Variants in RIT2 observed in about 807,000 individuals in gnomAD.
RIT2 encodes GTP-binding protein Rit2.
In RIT2, 24 loss-of-function variants were observed where a neutral mutation model predicts 23.7. The observed-to-expected ratio is 1.01, with a 90% CI of 0.73 to 1.43. RIT2 has a LOEUF of 1.43. RIT2 is among the 40% of genes most tolerant of loss of function. The probability of loss-of-function intolerance (pLI) is 0.00; values close to 1 mark genes in which losing one functional copy is unlikely to be tolerated. For synonymous variants in RIT2, 107 were observed against 91.1 expected, an observed-to-expected ratio of 1.17 and a Z score of -0.99; for missense variants, 236 against 266.9, an observed-to-expected ratio of 0.88 and a Z score of 0.81.
chr18:42,943,114 G>A (rs1909643677), intron 3 of RIT2, among the ~76,000 whole-genome samples: 1 of 152,050 alleles, frequency 6.6e-6, no homozygotes, highest in Non-Finnish European at 1.5e-5. Context: ...ACCCGAACAG[G>A]TTGCCACTGC....
chr18:42,877,216 A>G (rs1255392330), intron 4 of RIT2, among the ~76,000 whole-genome samples: 5 of 151,916 alleles, frequency 3.3e-5, no homozygotes, highest in Non-Finnish European at 5.9e-5. Flanking sequence ...TAGGGTATAT[A>G]TTATAGAAAT....
chr18:43,025,067 G>A lies in RIT2; in HGVS notation c.160+8744C>T, dbSNP rs571341883. Among the ~76,000 whole-genome samples, 84 of 151,932 alleles carry A rather than the reference G, an allele frequency of 5.5e-4. No individual in the cohort carries two copies. The South Asian group carries it at 0.017, about 30-fold the overall frequency. ...CACTAAAAATACAAAAATTAGTAGG[G>A]CATTGTGGCACGTGCCTGTAATCAC... On this transcript the variant is annotated intron_variant, in intron 2 of 4. Transcript: ENST00000326695.
At chr18:42,806,129 ATT>A (rs1905677903) in intron 4 of RIT2, among the ~76,000 whole-genome samples, 3 of 125,646 alleles carry the variant, frequency 2.4e-5, no homozygotes, top group South Asian at 2.6e-4. Context: ...ATATATATAT[ATT>A]TTACAAATCC....
At chr18:42,826,755 G>T (rs553069130) in intron 4 of RIT2, among the ~76,000 whole-genome samples, 1 of 152,160 alleles carries the variant, frequency 6.6e-6, no homozygotes, top group African/African-American at 2.4e-5. Context: ...AGAATTAGGT[G>T]AGTTCAGCAA....
chr18:43,092,499 C>A (rs1913446630), intron 1 of RIT2, among the ~76,000 whole-genome samples: 2 of 151,990 alleles, frequency 1.3e-5, no homozygotes, highest in African/African-American at 4.8e-5. Flanking sequence ...TAGATTCTCA[C>A]TGAATATGGG....
intron 4 of RIT2, among the ~76,000 whole-genome samples, chr18:42,848,297 A>AC (rs1906962561): frequency 6.6e-6 from 1 of 152,176 alleles, no homozygotes; most frequent in African/African-American, 2.4e-5. Flanking sequence ...ACAAAACACA[A>AC]CCTATTACAA....
intron 4 of RIT2, among the ~76,000 whole-genome samples, chr18:42,906,739 A>T (rs1205380419): frequency 6.6e-6 from 1 of 152,228 alleles, no homozygotes; most frequent in African/African-American, 2.4e-5. Context: ...CTGCCTTTCA[A>T]AACCTGTCTT....
chr18:42,953,530 T>A (rs985776896), intron 3 of RIT2, among the ~76,000 whole-genome samples: 2 of 152,184 alleles, frequency 1.3e-5, no homozygotes, highest in Non-Finnish European at 2.9e-5. Context: ...ATGATTCTCA[T>A]GACCTACCGA....
At chr18:43,041,386 G>C (rs565111290) in intron 1 of RIT2, among the ~76,000 whole-genome samples, 5 of 152,108 alleles carry the variant, frequency 3.3e-5, no homozygotes, top group Non-Finnish European at 7.4e-5. Flanking sequence ...TAGCAAGTAA[G>C]AATACTACCC....
rs76724215 is a variant in RIT2, at chr18:43,086,911, C to T, written c.103+28506G>A. On this transcript the variant is annotated intron_variant, in intron 1 of 4. Transcript: ENST00000326695. ...TTCCTGCAGGACAGTGACTATGTCA[C>T]GTTCATCTTTGATTCCCAACAGGTG... is the stretch of plus-strand genomic sequence containing the variant. Among the ~76,000 whole-genome samples the T allele has an allele frequency of 4.6e-3, 697 of 152,220 alleles. 6 individuals are homozygous for T. The highest frequency in any genetic ancestry group is 0.016 in the African/African-American group (668 of 41,544).
At chr18:42,981,670 A>T (rs1910601911) in intron 2 of RIT2, among the ~76,000 whole-genome samples, 2 of 151,956 alleles carry the variant, frequency 1.3e-5, no homozygotes, top group African/African-American at 4.8e-5. Flanking sequence ...GGAAAAAAAA[A>T]TTAAAAATAT....
intron 4 of RIT2, among the ~76,000 whole-genome samples, chr18:42,828,450 A>G (rs543064174): frequency 1.3e-5 from 2 of 152,364 alleles, no homozygotes; most frequent in South Asian, 4.1e-4. Context: ...ATTCATTTAC[A>G]TAATGCAAGG....
chr18:42,754,867 C>T (rs1913124825), intron 4 of RIT2, among the ~76,000 whole-genome samples: 1 of 152,108 alleles, frequency 6.6e-6, no homozygotes, highest in African/African-American at 2.4e-5. Context: ...CAGAATATTG[C>T]CCTCAACTGT....
chr18:42,791,710 G>A (rs1364095275), intron 4 of RIT2, among the ~76,000 whole-genome samples: 3 of 152,128 alleles, frequency 2.0e-5, no homozygotes, highest in Admixed American at 1.3e-4. Flanking sequence ...TGTGGTAAAC[G>A]TTTGCTGATT....
chr18:42,767,423 G>A (rs1442984384), intron 4 of RIT2, among the ~76,000 whole-genome samples: 1 of 152,080 alleles, frequency 6.6e-6, no homozygotes, highest in Non-Finnish European at 1.5e-5. Flanking sequence ...ACTTTGTTTT[G>A]GCCAGTTCCT....
At chr18:43,059,490 C>T (rs1358992357) in intron 1 of RIT2, among the ~76,000 whole-genome samples, 1 of 152,064 alleles carries the variant, frequency 6.6e-6, no homozygotes, top group Non-Finnish European at 1.5e-5. Flanking sequence ...AGAAATTGGA[C>T]TAGTATAGCA....
intron 2 of RIT2, among the ~76,000 whole-genome samples, chr18:42,998,292 T>C (rs1431705228): frequency 6.6e-6 from 1 of 152,134 alleles, no homozygotes; most frequent in African/African-American, 2.4e-5. Context: ...TTCATATGCC[T>C]CTTTTTCACA....
At chr18:43,059,951 T>A (rs371867290) in intron 1 of RIT2, among the ~76,000 whole-genome samples, 1 of 152,120 alleles carries the variant, frequency 6.6e-6, no homozygotes, top group African/African-American at 2.4e-5. Context: ...TAACCCCACC[T>A]CAGAGGCTAA....
At chr18:43,077,398 C>T (rs561403106) in intron 1 of RIT2, among the ~76,000 whole-genome samples, 1 of 152,152 alleles carries the variant, frequency 6.6e-6, no homozygotes, top group South Asian at 2.1e-4. Context: ...TCCCTGATGA[C>T]ATGGCCAAAA....
Sources: gnomAD v4.1 joint callset for allele counts (sites outside exome capture counted in the v4.1 genomes callset) on GRCh38, gnomAD v4.1.1 for gene constraint, MANE v1.5 for transcripts, NCBI Gene and HGNC (gene_info 2026-07-23, HGNC 2026-07-21) for gene names.